The following RPIA variants were observed in gnomAD, a reference collection of about 807,000 sequenced individuals.
The protein encoded by RPIA is ribose-5-phosphate isomerase.
Under a neutral mutation model 37.8 loss-of-function variants are expected in RPIA, and 29 were observed. That is an observed-to-expected ratio of 0.77 (90% CI 0.57 to 1.05). The LOEUF (loss-of-function observed/expected upper bound fraction) is 1.05. RPIA is among the 50% of genes least tolerant of loss of function. The probability of loss-of-function intolerance (pLI) is 0.00; values close to 1 mark genes in which losing one functional copy is unlikely to be tolerated. For missense variants in RPIA, 385 were observed against 413.6 expected, an observed-to-expected ratio of 0.93 and a Z score of 0.60; for synonymous variants, 167 against 157.0, an observed-to-expected ratio of 1.06 and a Z score of -0.48.
chr2:88,710,572 C>A (rs1672949953), intron 3 of RPIA, among the ~76,000 whole-genome samples: 1 of 152,130 alleles, frequency 6.6e-6, no homozygotes, highest in Non-Finnish European at 1.5e-5. Context: ...GCCACTCCTC[C>A]CAGTTGTGCA....
intron 8 of RPIA, among the ~76,000 whole-genome samples, chr2:88,746,669 G>C: frequency 6.6e-6 from 1 of 152,344 alleles, no homozygotes; most frequent in East Asian, 1.9e-4. Flanking sequence ...TGGCAGGAGA[G>C]TGAAGTGGAC....
intron 3 of RPIA, among the ~76,000 whole-genome samples, chr2:88,716,938 A>G (rs1280409826): frequency 6.6e-6 from 1 of 152,238 alleles, no homozygotes; most frequent in Non-Finnish European, 1.5e-5. Context: ...TAGGTTCAGC[A>G]AAGTATGGAC....
chr2:88,738,460 AGT>A (rs1673342947), intron 8 of RPIA, among the ~76,000 whole-genome samples: 1 of 152,206 alleles, frequency 6.6e-6, no homozygotes, highest in Non-Finnish European at 1.5e-5. Context: ...AAAATGACTC[AGT>A]TAATCCACAT....
intron 3 of RPIA, among the ~76,000 whole-genome samples, chr2:88,725,583 C>T (rs1673186174): frequency 6.6e-6 from 1 of 152,082 alleles, no homozygotes; most frequent in African/African-American, 2.4e-5. Flanking sequence ...GTTTCTGTGT[C>T]AAAATTTCCG....
At chr2:88,724,144 G>A (rs1418387526) in intron 3 of RPIA, among the ~76,000 whole-genome samples, 8 of 152,126 alleles carry the variant, frequency 5.3e-5, no homozygotes, top group Admixed American at 5.2e-4. Context: ...TGGCTTTGGG[G>A]AAAAGGGAAA....
At chr2:88,726,150 G>A (rs1039336557) in intron 3 of RPIA, among the ~76,000 whole-genome samples, 4 of 152,120 alleles carry the variant, frequency 2.6e-5, no homozygotes, top group Non-Finnish European at 4.4e-5. Context: ...CCCCCCAGCT[G>A]CAGAAACAGA....
chr2:88,726,676 A>G (rs1189356938), intron 3 of RPIA, among the ~76,000 whole-genome samples: 1 of 152,148 alleles, frequency 6.6e-6, no homozygotes, highest in Non-Finnish European at 1.5e-5. Context: ...GGGGAAGGAG[A>G]GCCAACTCCT....
At chr2:88,711,720 T>C (rs1486086620) in intron 3 of RPIA, among the ~76,000 whole-genome samples, 2 of 152,232 alleles carry the variant, frequency 1.3e-5, no homozygotes, top group Non-Finnish European at 2.9e-5. Context: ...TTTCAAAATA[T>C]GTCAAAGAAA....
chr2:88,736,858 G>T (rs899672784), intron 7 of RPIA, among the ~76,000 whole-genome samples, 182 bp downstream of exon 7: 3 of 152,086 alleles, frequency 2.0e-5, no homozygotes, highest in African/African-American at 7.2e-5. Context: ...ATTCAAACTC[G>T]TGTAGACAAG....
In RPIA at chr2:88,700,045, G is replaced by A; in HGVS notation, c.383G>A (p.Cys128Tyr). 6.2e-7 allele frequency: 1 copy of A among 1,614,218 alleles called. No homozygotes were observed. Among genetic ancestry groups the A allele is most frequent in the Non-Finnish European group, 8.5e-7 (1 of 1,180,024 alleles). The change falls in exon 3 of 9, where the codon TGT becomes TAT. Residue 128 changes from cysteine to tyrosine, a missense_variant. Physicochemically the swap from Cys to Tyr is radical, Grantham distance 194. This residue lies in a region of RPIA where 232 missense variants were observed against 203.0 expected (regional missense o/e 1.14). Coordinates refer to ENST00000283646, the MANE Select transcript of RPIA (RefSeq NM_144563.3). ...AAGCAAGAGAATCTGAACCTCGTCT[G>A]TATTCCCACTTCCTTCCAGGTATGT... ...RVKQENLNLVCIPTSFQARQL... is the reference protein window; with the variant it reads ...RVKQENLNLVYIPTSFQARQL...
intron 1 of RPIA, among the ~76,000 whole-genome samples, chr2:88,694,990 AAAAAAG>A (rs1553418579): frequency 1.8e-4 from 28 of 151,460 alleles, no homozygotes; most frequent in Middle Eastern, 3.4e-3. Flanking sequence ...AAAAAAAAAA[AAAAAAG>A]AAAAAGAAAA....
chr2:88,721,065 G>A lies in RPIA; in HGVS notation c.403-8213G>A, dbSNP rs112493901. 3.7e-3 allele frequency among the ~76,000 whole-genome samples: 567 copies of A among 152,230 alleles called. 2 individuals carry two copies. The highest frequency in any genetic ancestry group is 0.012 in the African/African-American group (499 of 41,538). On this transcript the variant is annotated intron_variant, in intron 3 of 8. Coordinates refer to ENST00000283646, the MANE Select transcript of RPIA (RefSeq NM_144563.3). ...AAAGGATGAGTTCATGTCCTTTGCA[G>A]GGACATGGATGAAGCTGGAAACCAT... is the stretch of plus-strand genomic sequence containing the variant.
intron 3 of RPIA, among the ~76,000 whole-genome samples, chr2:88,702,752 C>G (rs1184252244): frequency 6.6e-6 from 1 of 152,216 alleles, no homozygotes; most frequent in African/African-American, 2.4e-5. Flanking sequence ...CCTTGCATTT[C>G]AAAACCAATT....
chr2:88,750,532 CTGCT>C lies in RPIA; in HGVS notation c.*455_*458del, dbSNP rs1673493136. On this transcript the variant is annotated 3_prime_UTR_variant, in exon 9 of 9. Transcript: ENST00000283646. ...CTTACTGGAAACTTTGTTTACTTGT[CTGCT>C]ACCCTCTGATTTGTTTTTAGTTAGT... is the stretch of plus-strand genomic sequence containing the variant. 2.4e-6 allele frequency: 1 copy of C among 417,582 alleles called. No homozygotes were observed. Among genetic ancestry groups the C allele is most frequent in the Non-Finnish European group, 4.2e-6 (1 of 236,916 alleles). The allele number at this position is 417,582 out of a possible 1,614,324, so 25.9% of individuals were successfully genotyped here. A position where few individuals can be genotyped will look rare whatever the true frequency, so the allele number is the denominator to read the frequency against.
chr2:88,708,246 G>T (rs994468067), intron 3 of RPIA, among the ~76,000 whole-genome samples: 8 of 152,188 alleles, frequency 5.3e-5, no homozygotes, highest in African/African-American at 1.9e-4. Context: ...ATCTTTAACT[G>T]GAGGTCTCCA....
At chr2:88,736,426 A>T in intron 6 of RPIA, 109 bp from the exon 7 acceptor site, 1 of 1,159,784 alleles carries the variant, frequency 8.6e-7, no homozygotes, top group Non-Finnish European at 1.3e-6. Flanking sequence ...GCCCTTGATC[A>T]CTTTCCTTGC....
rs1202182115 is a variant in RPIA, at chr2:88,691,972, A to C, written c.274A>C (p.Asn92His). Residue 92 changes from asparagine (N) to histidine (H), a missense_variant, in exon 1 of 9, where the codon AAC becomes CAC. Transcript: ENST00000283646. ...KKLAGRAAVE[N>H]HVRNNQVLGI... is the part of the protein sequence containing the mutation. Reference sequence around the variant, plus strand: ...GCTGGCGGGCCGCGCGGCTGTGGAGAACCACGTGAGGGTGAGCACTTCGAA... The same window carrying C: ...GCTGGCGGGCCGCGCGGCTGTGGAGCACCACGTGAGGGTGAGCACTTCGAA... 2 of 1,589,246 alleles carry C rather than the reference A, an allele frequency of 1.3e-6. No homozygotes were observed. Among genetic ancestry groups the C allele is most frequent in the African/African-American group, 2.7e-5 (2 of 74,574 alleles).
In RPIA at chr2:88,713,120, A is replaced by AT. The variant is rs1553420200; in HGVS notation, c.402+13072dup. 8.3e-3 allele frequency among the ~76,000 whole-genome samples: 545 copies of AT among 65,284 alleles called. 20 individuals carry two copies. The highest frequency in any genetic ancestry group is 0.077 in the East Asian group (133 of 1,730). The allele number at this position is 65,284 out of a possible 152,430, so 42.8% of individuals were successfully genotyped here. ...TCTGAATATATATATATATATATAT[A>AT]TTTTTTTTTTTTTTTTCAAGCTACG... On this transcript the variant is annotated intron_variant, in intron 3 of 8. Transcript: ENST00000283646.
chr2:88,735,738 G>A lies in RPIA; in HGVS notation c.596+1G>A. ...GCTTCATCGTGATCGCTGATTTCAG[G>A]TACAGTTTCTGGTGTCTGAGCTGCC... is the stretch of plus-strand genomic sequence containing the variant. On this transcript the variant is annotated splice_donor_variant, in intron 6 of 8. Transcript: ENST00000283646. LOFTEE classifies it high-confidence loss of function. 6.2e-7 allele frequency: 1 copy of A among 1,613,874 alleles called. No homozygotes were observed.
Sources: gnomAD v4.1 joint callset for allele counts (sites outside exome capture counted in the v4.1 genomes callset) on GRCh38, gnomAD v4.1.1 for gene constraint, gnomAD v4.1.1 regional missense constraint, MANE v1.5 for transcripts, NCBI Gene and HGNC (gene_info 2026-07-23, HGNC 2026-07-21) for gene names.